Variants in ZNF37A observed in about 807,000 individuals in gnomAD.
The protein encoded by ZNF37A is zinc finger protein 37a (KOX 21).
ZNF37A carries 10 observed loss-of-function variants against 12.3 expected under a neutral mutation model. The observed-to-expected ratio is 0.82, with a 90% CI of 0.50 to 1.38. The LOEUF is 1.38. Ranked by LOEUF, ZNF37A falls within the 40% of genes most tolerant of loss-of-function variation. The pLI is 0.00. For synonymous variants in ZNF37A, 207 were observed against 223.0 expected (o/e 0.93, Z 0.64); for missense variants, 580 against 651.2 (o/e 0.89, Z 1.19).
intron 7 of ZNF37A, among the ~76,000 whole-genome samples, chr10:38,116,859 A>G (rs1225675862): frequency 2.0e-5 from 3 of 152,212 alleles, no homozygotes; most frequent in Non-Finnish European, 4.4e-5. Flanking sequence ...CTGTAATCCC[A>G]GCACTTTGGA....
chr10:38,117,597 A>G lies in ZNF37A; in HGVS notation c.446A>G (p.Asn149Ser), dbSNP rs769073749. The part of the protein sequence containing the change: ...IKNWEQSFEY[N>S]ECGKAFPENS... ...AATTGGGAACAATCTTTTGAATACA[A>G]TGAATGTGGGAAAGCTTTCCCTGAG... Residue 149 changes from asparagine (N) to serine (S), a missense_variant, in exon 8 of 8, where the codon AAT (asparagine) becomes AGT (serine). Asn to Ser is a conservative substitution (Grantham distance 46). Transcript: ENST00000685332. 8 of 1,613,860 alleles carry G rather than the reference A, an allele frequency of 5.0e-6. No homozygotes were observed. The East Asian group carries it at 8.9e-5, about 18-fold the overall frequency.
chr10:38,115,242 G>A lies in ZNF37A; in HGVS notation c.190G>A (p.Glu64Lys), dbSNP rs142466264. The change falls in exon 7 of 8, where the codon GAG becomes AAG. Residue 64 changes from glutamate to lysine, a missense_variant. Transcript: ENST00000685332. The part of the protein sequence containing the change: ...PEVILKLEKG[E>K]EPWILEEKFP... ...AGTGATTCTCAAGTTGGAGAAAGGC[G>A]AGGAGCCATGGATATTAGAGGAAAA... 68 of 1,613,896 alleles carry A rather than the reference G, an allele frequency of 4.2e-5. No homozygotes were observed. The highest frequency in any genetic ancestry group is 3.3e-4 in the Middle Eastern group (2 of 6,056).
In ZNF37A at chr10:38,118,503, A is replaced by T. The variant is rs138936425; in HGVS notation, c.1352A>T (p.Tyr451Phe). Residue 451 changes from tyrosine (Y) to phenylalanine (F), a missense_variant, in exon 8 of 8, where the codon TAC (tyrosine) becomes TTC (phenylalanine). Coordinates refer to ENST00000685332, the MANE Select transcript of ZNF37A (RefSeq NM_001324250.3). ...CIQCGKFFCY[Y>F]SGFTEHLRRH... The stretch of plus-strand genomic sequence containing the variant: ...CAGTGTGGAAAATTTTTCTGCTACT[A>T]CTCCGGTTTCACAGAACATCTGAGA... The T allele has an allele frequency of 2.5e-5, 40 of 1,614,018 alleles. No individual in the cohort carries two copies. In the Middle Eastern group the frequency reaches 9.9e-4, roughly 40 times the overall value.
At position 38,115,264 on chromosome 10, in the gene ZNF37A, A is replaced by G; in HGVS notation, c.212A>G (p.Glu71Gly). The change falls in exon 7 of 8, where the codon GAA becomes GGA. Residue 71 changes from glutamate (E) to glycine (G), a missense_variant. By Grantham distance (98) the Glu-to-Gly change is moderately conservative. Transcript: ENST00000685332. ...GGCGAGGAGCCATGGATATTAGAGG[A>G]AAAATTTCCAAGCCAGAGTCATCTG... The part of the protein sequence containing the change: ...EKGEEPWILE[E>G]KFPSQSHLEL... 1 of 1,613,804 alleles carries G rather than the reference A, an allele frequency of 6.2e-7. No individual in the cohort carries two copies. The highest frequency in any genetic ancestry group is 2.2e-5 in the East Asian group (1 of 44,842).
At position 38,119,272 on chromosome 10, in the gene ZNF37A, G is replaced by A. The variant is rs1381063162; in HGVS notation, c.*435G>A. ...CTTTCATCAGAAGTCAGCTCTAATT[G>A]TTCACCACAGAACTCATATAAGACA... On this transcript the variant is annotated 3_prime_UTR_variant, in exon 8 of 8. Coordinates refer to ENST00000685332, the MANE Select transcript of ZNF37A (RefSeq NM_001324250.3). The A allele has an allele frequency of 4.8e-6, 5 of 1,049,704 alleles. No individual in the cohort carries two copies. The African/African-American group carries it at 8.6e-5, about 18-fold the overall frequency. The allele number at this position is 1,049,704 out of a possible 1,614,324, so 65.0% of individuals were successfully genotyped here.
At chr10:38,116,887 T>C (rs1044596128) in intron 7 of ZNF37A, among the ~76,000 whole-genome samples, 7 of 152,150 alleles carry the variant, frequency 4.6e-5, no homozygotes, top group African/African-American at 7.2e-5. Flanking sequence ...TGTGGATGAA[T>C]TGTTTGAGGC....
downstream of ZNF37A, among the ~76,000 whole-genome samples, chr10:38,129,219 G>T (rs1590939689): frequency 6.8e-6 from 1 of 146,316 alleles, no homozygotes; most frequent in East Asian, 2.0e-4. Flanking sequence ...ATATTTTTTG[G>T]CTGGTAAAAA....
At chr10:38,139,775 A>G (rs1163920051) in intron 7 of ZNF37A, 1 of 152,174 alleles carries the variant, frequency 6.6e-6, no homozygotes, top group Non-Finnish European at 1.5e-5. Flanking sequence ...TGGTGTCTCA[A>G]AATTAATAAT....
At chr10:38,129,125 A>G (rs1226557447), downstream of ZNF37A, among the ~76,000 whole-genome samples, 1 of 151,726 alleles carries the variant, frequency 6.6e-6, no homozygotes, top group Non-Finnish European at 1.5e-5. Context: ...CTCAACTTAC[A>G]TTGTAGCTTT....
At chr10:38,114,198 G>T (rs545045957) in intron 5 of ZNF37A, among the ~76,000 whole-genome samples, 8 of 152,282 alleles carry the variant, frequency 5.3e-5, no homozygotes, top group Non-Finnish European at 1.2e-4. Flanking sequence ...CTCATCACAG[G>T]TAAGACATGC....
chr10:38,129,692 A>C (rs2069992373), downstream of ZNF37A, among the ~76,000 whole-genome samples: 1 of 152,208 alleles, frequency 6.6e-6, no homozygotes, highest in South Asian at 2.1e-4. Flanking sequence ...TAGAGATTTC[A>C]TGTATTAGGT....
rs1400583883 is a variant in ZNF37A at position 38,120,340 on chromosome 10, G to A, written c.*1503G>A. 6.6e-6 allele frequency: 1 copy of A among 151,888 alleles called. No homozygotes were observed. Among genetic ancestry groups the A allele is most frequent in the African/African-American group, 2.4e-5 (1 of 41,322 alleles). 9.4% of individuals were successfully genotyped at this position (151,888 alleles called of 1,614,324 possible). The stretch of plus-strand genomic sequence containing the variant: ...GCTACTAGAGAGGTTGAGGTGGGAG[G>A]ATCACTTGAACCTGGGAGGTGGGGG... On this transcript the variant is annotated 3_prime_UTR_variant, in exon 8 of 8. Transcript: ENST00000685332.
Position 38,118,767 on chromosome 10 carries a change from C to G in ZNF37A, c.1616C>G (p.Thr539Ser). ...GKSFYVKSKL[T>S]VHQRIHLGRN... ...TCATTCTATGTTAAGTCAAAACTAA[C>G]TGTACATCAGAGAATACACTTGGGG... Residue 539 changes from threonine (T) to serine (S), a missense_variant, in exon 8 of 8, where the codon ACT becomes AGT. Coordinates refer to ENST00000685332, the MANE Select transcript of ZNF37A (RefSeq NM_001324250.3). 6.2e-7 allele frequency: 1 copy of G among 1,612,352 alleles called. No individual in the cohort carries two copies.
rs2069804069 is a variant in ZNF37A at position 38,123,053 on chromosome 10, G to A, written c.*4216G>A. The A allele has an allele frequency of 6.6e-6, 1 of 152,310 alleles. No individual in the cohort carries two copies. The highest frequency in any genetic ancestry group is 6.5e-5 in the Admixed American group (1 of 15,280). The allele number at this position is 152,310 out of a possible 1,614,324, so 9.4% of individuals were successfully genotyped here. A position where few individuals can be genotyped will look rare whatever the true frequency, so the allele number is the denominator to read the frequency against. ...GGTGCTAACATCTGATCAGCTTGTA[G>A]GGAGGCATCAGGAAGTTTCCAACCA... On this transcript the variant is annotated 3_prime_UTR_variant, in exon 8 of 8. Transcript: ENST00000685332.
intron 7 of ZNF37A, among the ~76,000 whole-genome samples, chr10:38,135,561 AAC>A (rs1356550336): frequency 2.6e-5 from 4 of 152,250 alleles, no homozygotes; most frequent in Non-Finnish European, 4.4e-5. Flanking sequence ...AAAATCAGAA[AAC>A]AAAATTATTC....
At chr10:38,136,378 A>T (rs573758075) in intron 7 of ZNF37A, among the ~76,000 whole-genome samples, 1 of 152,212 alleles carries the variant, frequency 6.6e-6, no homozygotes, top group South Asian at 2.1e-4. Context: ...GGTCTCTAAC[A>T]CCTGACTTCA....
intron 7 of ZNF37A, among the ~76,000 whole-genome samples, chr10:38,133,547 T>G (rs1264121157): frequency 2.1e-5 from 3 of 145,042 alleles, no homozygotes; most frequent in Admixed American, 1.4e-4. Flanking sequence ...TTCCCACCTA[T>G]AAGTGAGAAC....
In ZNF37A at chr10:38,115,281, A is replaced by G; in HGVS notation, c.229A>G (p.Ser77Gly). The change falls in exon 7 of 8, where the codon AGT (serine) becomes GGT (glycine). Residue 77 changes from serine (S) to glycine (G), a missense_variant. By Grantham distance (56) the Ser-to-Gly change is moderately conservative. Transcript: ENST00000685332. ...WILEEKFPSQ[S>G]HLELINTSRN... is the part of the protein sequence containing the mutation. ...ATTAGAGGAAAAATTTCCAAGCCAG[A>G]GTCATCTGGGTGAGTTAGTATGTGC... The G allele has an allele frequency of 6.2e-7, 1 of 1,613,572 alleles. No individual in the cohort carries two copies. Among genetic ancestry groups the G allele is most frequent in the Non-Finnish European group, 8.5e-7 (1 of 1,179,796 alleles).
At chr10:38,113,908 T>A (rs1298061895) in intron 5 of ZNF37A, among the ~76,000 whole-genome samples, 1 of 152,186 alleles carries the variant, frequency 6.6e-6, no homozygotes, top group African/African-American at 2.4e-5. Flanking sequence ...TGCAAGATAA[T>A]TGTGTTTATG....
Sources: allele counts gnomAD v4.1 joint callset (sites outside exome capture counted in the v4.1 genomes callset), GRCh38; gene constraint gnomAD v4.1.1; transcripts MANE v1.5; gene names NCBI Gene and HGNC (gene_info 2026-07-23, HGNC 2026-07-21).